GABBR2: variants seen among roughly 807,000 people sequenced by gnomAD.
The protein encoded by GABBR2 is gamma-aminobutyric acid type B receptor subunit 2.
GABBR2 carries 23 observed loss-of-function variants against 105.6 expected under a neutral mutation model. The ratio of observed to expected loss-of-function variants is 0.22; its 90% CI spans 0.16 to 0.31. The LOEUF is 0.31. Among genes scored for constraint, GABBR2 ranks in the 10% least tolerant of loss-of-function variants. The probability of loss-of-function intolerance (pLI) is 1.00; values close to 1 mark genes in which losing one functional copy is unlikely to be tolerated. For synonymous variants in GABBR2, 478 were observed against 499.7 expected (o/e 0.96, Z 0.58); for missense variants, 734 against 1,245.5 (o/e 0.59, Z 6.18).
chr9:98,703,646 C>G (rs952653989), intron 1 of GABBR2, among the ~76,000 whole-genome samples: 1 of 151,938 alleles, frequency 6.6e-6, no homozygotes, highest in Non-Finnish European at 1.5e-5. Flanking sequence ...GCACATACCA[C>G]CATGTCAGGC....
At chr9:98,436,058 A>G (rs1825896332) in intron 7 of GABBR2, among the ~76,000 whole-genome samples, 1 of 151,038 alleles carries the variant, frequency 6.6e-6, no homozygotes, top group Non-Finnish European at 1.5e-5. Context: ...CGCCACCCCT[A>G]TCCTCCTCAT....
chr9:98,380,165 T>C (rs959521733), intron 11 of GABBR2, among the ~76,000 whole-genome samples: 2 of 152,186 alleles, frequency 1.3e-5, no homozygotes, highest in Non-Finnish European at 2.9e-5. Flanking sequence ...TGTCAGGTGG[T>C]TGTGAACGAA....
chr9:98,547,323 AT>A (rs1828419742), intron 2 of GABBR2, among the ~76,000 whole-genome samples: 2 of 116,842 alleles, frequency 1.7e-5, no homozygotes, highest in Admixed American at 1.9e-4. Flanking sequence ...TTATATTTAT[AT>A]TTTTATAATA....
intron 4 of GABBR2, among the ~76,000 whole-genome samples, chr9:98,489,394 T>C (rs2779550): frequency 0.97 from 147,308 of 152,300 alleles, 71,273 homozygotes; most frequent in African/African-American, 0.99. Flanking sequence ...AGCAAGGCTC[T>C]TGACTCCTCT....
At chr9:98,604,716 T>A (rs1829387060) in intron 1 of GABBR2, among the ~76,000 whole-genome samples, 1 of 152,198 alleles carries the variant, frequency 6.6e-6, no homozygotes, top group Admixed American at 6.5e-5. Flanking sequence ...TAAGGCCCTT[T>A]CTAGGTTACA....
chr9:98,694,629 G>C (rs966736364), intron 1 of GABBR2, among the ~76,000 whole-genome samples: 1 of 152,194 alleles, frequency 6.6e-6, no homozygotes, highest in Non-Finnish European at 1.5e-5. Flanking sequence ...CAATGGTCCT[G>C]AGAGAATGGC....
chr9:98,642,609 C>T (rs892535334), intron 1 of GABBR2, among the ~76,000 whole-genome samples: 9 of 152,242 alleles, frequency 5.9e-5, no homozygotes, highest in African/African-American at 1.9e-4. Context: ...CCAGTGTTTT[C>T]AAACTGCAGA....
intron 8 of GABBR2, among the ~76,000 whole-genome samples, chr9:98,403,746 G>GAA (rs200851464): frequency 5.3e-5 from 7 of 131,388 alleles, no homozygotes; most frequent in East Asian, 2.3e-4. Context: ...TACTTGCTGA[G>GAA]AAAAAAAAAA....
chr9:98,415,594 T>C (rs912770466), intron 7 of GABBR2, among the ~76,000 whole-genome samples: 15 of 152,234 alleles, frequency 9.9e-5, no homozygotes, highest in Admixed American at 2.0e-4. Flanking sequence ...GAGATGATAT[T>C]GTGCAAGCTA....
intron 13 of GABBR2, among the ~76,000 whole-genome samples, chr9:98,359,601 A>T (rs936435471): frequency 6.6e-6 from 1 of 152,070 alleles, no homozygotes; most frequent in Admixed American, 6.5e-5. Context: ...TGTTATTCTC[A>T]AGCCCTGGGT....
chr9:98,344,724 C>G (rs528314156), intron 13 of GABBR2, among the ~76,000 whole-genome samples: 1 of 152,302 alleles, frequency 6.6e-6, no homozygotes, highest in South Asian at 2.1e-4. Flanking sequence ...GCTGTTTAAT[C>G]ACTCAGTGAT....
At chr9:98,616,523 G>A (rs1217381367) in intron 1 of GABBR2, among the ~76,000 whole-genome samples, 1 of 152,198 alleles carries the variant, frequency 6.6e-6, no homozygotes, top group African/African-American at 2.4e-5. Context: ...GGAGGCCGAG[G>A]TAGGCAGATC....
chr9:98,461,387 T>C (rs1826421235), intron 6 of GABBR2, among the ~76,000 whole-genome samples: 1 of 152,160 alleles, frequency 6.6e-6, no homozygotes, highest in East Asian at 1.9e-4. Flanking sequence ...GGAAGATAAA[T>C]GGAAGTTCAG....
intron 8 of GABBR2, among the ~76,000 whole-genome samples, chr9:98,397,970 C>CCCACAGTCCAG (rs1375416052): frequency 1.3e-5 from 2 of 152,208 alleles, no homozygotes; most frequent in Non-Finnish European, 2.9e-5. Flanking sequence ...CTTGCATTCA[C>CCCACAGTCCAG]CCACAGTCCA....
At chr9:98,537,870 T>C (rs1828212780) in intron 3 of GABBR2, among the ~76,000 whole-genome samples, 1 of 152,230 alleles carries the variant, frequency 6.6e-6, no homozygotes, top group African/African-American at 2.4e-5. Context: ...AAATGTACAT[T>C]TTATTTTGTA....
intron 1 of GABBR2, chr9:98,607,779 T>C: frequency 6.3e-6 from 5 of 789,496 alleles, no homozygotes; most frequent in African/African-American, 1.7e-5. Context: ...CTGTGACTTA[T>C]AATGGAATTG....
intron 10 of GABBR2, 108 bp from the exon 11 acceptor site, chr9:98,385,880 G>T: frequency 1.2e-6 from 1 of 852,730 alleles, no homozygotes; most frequent in Non-Finnish European, 1.9e-6. Context: ...TCAGGCTAGA[G>T]GGGAGAGAGA....
chr9:98,517,283 G>A (rs1827776617), intron 3 of GABBR2, among the ~76,000 whole-genome samples: 1 of 152,138 alleles, frequency 6.6e-6, no homozygotes, highest in East Asian at 1.9e-4. Context: ...ACCTCATTGT[G>A]TGTCAGCTTC....
chr9:98,406,321 A>T lies in GABBR2; in HGVS notation c.1237-180T>A, dbSNP rs546069606. On this transcript the variant is annotated intron_variant, in intron 7 of 18. Transcript: ENST00000259455. ...ACTAATTGTTTTTAAATTGGTTGTG[A>T]CTTTATCTGGTTAATTTGAGGAGAA... is the stretch of plus-strand genomic sequence containing the variant. Among the ~76,000 whole-genome samples, 11 of 152,380 alleles carry T rather than the reference A, an allele frequency of 7.2e-5. No homozygotes were observed. In the East Asian group the frequency reaches 1.5e-3, roughly 21 times the overall value.
Sources: allele counts gnomAD v4.1 joint callset (sites outside exome capture counted in the v4.1 genomes callset), GRCh38; gene constraint gnomAD v4.1.1; transcripts MANE v1.5; gene names NCBI Gene and HGNC (gene_info 2026-07-23, HGNC 2026-07-21).